Variants in BSN observed in about 807,000 individuals in gnomAD.
BSN encodes protein bassoon.
Under a neutral mutation model 264.8 loss-of-function variants are expected in BSN, and 57 were observed. The observed-to-expected ratio is 0.22, with a 90% CI of 0.17 to 0.27. The LOEUF (loss-of-function observed/expected upper bound fraction) is 0.27. BSN is among the 10% of genes least tolerant of loss of function. The pLI is 1.00. For missense variants in BSN, 4,615 were observed against 5,232.5 expected, an observed-to-expected ratio of 0.88 and a Z score of 3.64; for synonymous variants, 2,059 against 2,137.3, an observed-to-expected ratio of 0.96 and a Z score of 1.01.
At chr3:49,575,836 G>A (rs1033621049) in intron 1 of BSN, among the ~76,000 whole-genome samples, 3 of 151,232 alleles carry the variant, frequency 2.0e-5, no homozygotes, top group Non-Finnish European at 4.4e-5. Flanking sequence ...ACTTTTCTGG[G>A]CATATTTCTA....
chr3:49,578,263 A>G (rs770612012), intron 1 of BSN, among the ~76,000 whole-genome samples: 1 of 152,112 alleles, frequency 6.6e-6, no homozygotes, highest in Non-Finnish European at 1.5e-5. Flanking sequence ...AGTAACTGGG[A>G]TTATAGGCAC....
chr3:49,655,858 T>C lies in BSN; in HGVS notation c.6302T>C (p.Met2101Thr). 1 of 1,613,302 alleles carries C rather than the reference T, an allele frequency of 6.2e-7. No individual in the cohort carries two copies. The highest frequency in any genetic ancestry group is 1.7e-5 in the Admixed American group (1 of 60,024). ...SATTAREISR[M>T]CAALNSMDQY... The stretch of plus-strand genomic sequence containing the variant: ...ACCACAGCCCGTGAAATCAGTCGCA[T>C]GTGCGCTGCCCTCAACTCCATGGAC... Residue 2101 changes from methionine to threonine, a missense_variant, in exon 5 of 12, where the codon ATG becomes ACG. Around this residue, in one of 3 missense-constraint regions of BSN, gnomAD observed 3,415 missense variants for 3,866.4 expected, o/e 0.88. Coordinates refer to ENST00000296452, the MANE Select transcript of BSN (RefSeq NM_003458.4).
chr3:49,666,848 G>T (rs2052717006), intron 11 of BSN, among the ~76,000 whole-genome samples: 1 of 152,218 alleles, frequency 6.6e-6, no homozygotes, highest in African/African-American at 2.4e-5. Flanking sequence ...TCTAATTACA[G>T]TAGCCATAGT....
Position 49,643,074 on chromosome 3 carries a change from C to A in BSN, c.1440C>A (p.Ala480=), listed in dbSNP as rs764777943. The change falls in exon 3 of 12, where the codon GCC becomes GCA. Residue 480 remains alanine (A), a synonymous_variant. Transcript: ENST00000296452. ...TCAACGTGGGCAGCAAGAGCCCAGC[C>A]AACTATAACACATGCACCACCTGCA... The part of the protein sequence containing the change: ...AELNVGSKSP[A]NYNTCTTCRL... 8 of 1,613,990 alleles carry A rather than the reference C, an allele frequency of 5.0e-6. No individual in the cohort carries two copies. In the East Asian group the frequency reaches 1.6e-4, roughly 31 times the overall value.
At chr3:49,617,318 T>TATATATAA (rs1425307719) in intron 1 of BSN, among the ~76,000 whole-genome samples, 6 of 135,562 alleles carry the variant, frequency 4.4e-5, no homozygotes, top group African/African-American at 1.4e-4. Context: ...TATATATATA[T>TATATATAA]AATTTTATAA....
At chr3:49,604,402 TG>T (rs2052094995) in intron 1 of BSN, among the ~76,000 whole-genome samples, 1 of 152,166 alleles carries the variant, frequency 6.6e-6, no homozygotes, top group Non-Finnish European at 1.5e-5. Context: ...TGATAACTAC[TG>T]TTTTAGTTTC....
chr3:49,610,420 T>C (rs2108044987), intron 1 of BSN, among the ~76,000 whole-genome samples: 1 of 151,926 alleles, frequency 6.6e-6, no homozygotes, highest in East Asian at 1.9e-4. Context: ...CCATCTCTAC[T>C]AAAAATACAA....
chr3:49,573,132 A>C (rs1019237958), intron 1 of BSN, among the ~76,000 whole-genome samples: 1 of 152,228 alleles, frequency 6.6e-6, no homozygotes, highest in African/African-American at 2.4e-5. Flanking sequence ...AATCACATAC[A>C]AATCAAAATT....
chr3:49,575,500 G>GTA lies in BSN; in HGVS notation c.224+20682_224+20683dup, dbSNP rs1010054648. The stretch of plus-strand genomic sequence containing the variant: ...TATATATGTAAATATATATGTGTGT[G>GTA]TATATATATGTAAATATATGTGTGT... On this transcript the variant is annotated intron_variant, in intron 1 of 11. Transcript: ENST00000296452. Among the ~76,000 whole-genome samples, 83 of 146,406 alleles carry GTA rather than the reference G, an allele frequency of 5.7e-4. 1 individual carries two copies. The highest frequency in any genetic ancestry group is 2.0e-3 in the African/African-American group (80 of 40,004).
chr3:49,644,969 C>T (rs984032407), intron 3 of BSN, among the ~76,000 whole-genome samples: 1 of 152,214 alleles, frequency 6.6e-6, no homozygotes, highest in Non-Finnish European at 1.5e-5. Context: ...GGATTCTGGC[C>T]TAGGCCTCTC....
At chr3:49,575,658 GTATATATA>G (rs10538409) in intron 1 of BSN, among the ~76,000 whole-genome samples, 29 of 141,638 alleles carry the variant, frequency 2.0e-4, no homozygotes, top group Non-Finnish European at 4.2e-4. Context: ...GTGTGTGTGT[GTATATATA>G]TATATATATA....
rs549707590 is a variant in BSN at position 49,652,931 on chromosome 3, G to A, written c.3375G>A (p.Glu1125=). The change falls in exon 5 of 12, where the codon GAG becomes GAA. Residue 1125 remains glutamate (E), a synonymous_variant. Coordinates refer to ENST00000296452, the MANE Select transcript of BSN (RefSeq NM_003458.4). Reference sequence around the variant, plus strand: ...AGCTACACCGCTCCTCCTGCTCTGAGTACTCACCCTCACCCTCCCTTGACT... The same window carrying A: ...AGCTACACCGCTCCTCCTGCTCTGAATACTCACCCTCACCCTCCCTTGACT... The part of the protein sequence containing the change: ...MEELHRSSCS[E]YSPSPSLDSE... The A allele has an allele frequency of 5.0e-6, 8 of 1,610,934 alleles. No homozygotes were observed. The East Asian group carries it at 8.9e-5, about 18-fold the overall frequency.
At position 49,663,349 on chromosome 3, in the gene BSN, G is replaced by A. The variant is rs769745339; in HGVS notation, c.11191G>A (p.Gly3731Arg). ...SKKGSRQAHS[G>R]PAALQSKAEP... Reference sequence around the variant, plus strand: ...GAAGGGCTCCCGGCAAGCCCACTCCGGGCCCGCTGCACTGCAGTCAAAGGC... The same window carrying A: ...GAAGGGCTCCCGGCAAGCCCACTCCAGGCCCGCTGCACTGCAGTCAAAGGC... The change falls in exon 7 of 12, where the codon GGG becomes AGG. Residue 3731 changes from glycine (G) to arginine (R), a missense_variant. By Grantham distance (125) the Gly-to-Arg change is moderately radical (BLOSUM62 -2). Around this residue, in one of 3 missense-constraint regions of BSN, gnomAD observed 3,415 missense variants for 3,866.4 expected, o/e 0.88. Transcript: ENST00000296452. The A allele has an allele frequency of 9.3e-5, 150 of 1,613,408 alleles. No homozygotes were observed. Among genetic ancestry groups the A allele is most frequent in the Non-Finnish European group, 1.2e-4 (145 of 1,180,032 alleles).
In BSN at chr3:49,624,300, C is replaced by CTTTTTTTTTTTTTTTTTTTTTT. The variant is rs71080542; in HGVS notation, c.225-658_225-657insTTTTTTTTTTTTTTTTTTTTTT. ...CCAGGCGTGAGCCAACGTGCCCAGC[C>CTTTTTTTTTTTTTTTTTTTTTT]TTTTTTTTTTTTTTTTTAGACAGGG... On this transcript the variant is annotated intron_variant, in intron 1 of 11. Coordinates refer to ENST00000296452, the MANE Select transcript of BSN (RefSeq NM_003458.4). 3.0e-5 allele frequency among the ~76,000 whole-genome samples: 2 copies of CTTTTTTTTTTTTTTTTTTTTTT among 67,184 alleles called. 1 individual carries two copies. The highest frequency in any genetic ancestry group is 5.4e-5 in the Non-Finnish European group (2 of 37,046). The allele number at this position is 67,184 out of a possible 152,430, so 44.1% of individuals were successfully genotyped here. A position where few individuals can be genotyped will look rare whatever the true frequency, so the allele number is the denominator to read the frequency against.
At chr3:49,605,524 AAT>A (rs2052116574) in intron 1 of BSN, among the ~76,000 whole-genome samples, 1 of 4,394 alleles carries the variant, frequency 2.3e-4, no homozygotes, top group African/African-American at 1.6e-3. Flanking sequence ...ATATATATAT[AAT>A]ATATAATATA....
At chr3:49,577,828 A>G (rs1169661573) in intron 1 of BSN, among the ~76,000 whole-genome samples, 2 of 152,110 alleles carry the variant, frequency 1.3e-5, no homozygotes, top group African/African-American at 4.8e-5. Context: ...GCATGAGCCA[A>G]CGCGTCAGCT....
chr3:49,622,466 C>T (rs868629598), intron 1 of BSN, among the ~76,000 whole-genome samples: 1 of 152,150 alleles, frequency 6.6e-6, no homozygotes, highest in South Asian at 2.1e-4. Flanking sequence ...GTTTAGAACC[C>T]TAAATGTCTC....
chr3:49,580,955 C>A (rs1040871396), intron 1 of BSN, among the ~76,000 whole-genome samples: 4 of 151,164 alleles, frequency 2.6e-5, no homozygotes, highest in African/African-American at 7.3e-5. Flanking sequence ...TCCCCATTGA[C>A]CCCTTTCTTC....
intron 1 of BSN, among the ~76,000 whole-genome samples, chr3:49,596,997 A>C (rs1030419678): frequency 1.3e-5 from 2 of 152,188 alleles, no homozygotes; most frequent in African/African-American, 4.8e-5. Context: ...TTTGAATGAT[A>C]GTTTTGCTGG....
Sources: allele counts gnomAD v4.1 joint callset (sites outside exome capture counted in the v4.1 genomes callset), GRCh38; gene constraint gnomAD v4.1.1; regional missense constraint gnomAD v4.1.1; transcripts MANE v1.5; gene names NCBI Gene and HGNC (gene_info 2026-07-23, HGNC 2026-07-21).